PTPRD: variants seen among roughly 807,000 people sequenced by gnomAD.
The protein encoded by PTPRD is receptor-type tyrosine-protein phosphatase delta.
A neutral mutation model predicts 214.5 loss-of-function variants in PTPRD; 34 were observed. The observed-to-expected ratio is 0.16, with a 90% CI of 0.12 to 0.21. The LOEUF is 0.21. Ranked by LOEUF, PTPRD falls within the 10% of genes least tolerant of loss-of-function variation. The probability of loss-of-function intolerance (pLI) is 1.00; values close to 1 mark genes in which losing one functional copy is unlikely to be tolerated. For missense variants in PTPRD, 2,545 were observed against 2,398.7 expected (o/e 1.06, Z -1.27); for synonymous variants, 1,128 against 845.7 (o/e 1.33, Z -5.79).
chr9:10,285,483 A>G (rs2095313734), intron 3 of PTPRD, among the ~76,000 whole-genome samples: 1 of 152,082 alleles, frequency 6.6e-6, no homozygotes, highest in Admixed American at 6.5e-5. Flanking sequence ...TTATAGAAAC[A>G]TTACATGATT....
At chr9:8,883,539 G>C (rs570984807) in intron 11 of PTPRD, among the ~76,000 whole-genome samples, 2 of 152,276 alleles carry the variant, frequency 1.3e-5, no homozygotes, top group African/African-American at 4.8e-5. Flanking sequence ...GGAACTATGA[G>C]TAACTATCCC....
intron 3 of PTPRD, among the ~76,000 whole-genome samples, chr9:10,036,005 A>T (rs1254727950): frequency 1.3e-5 from 2 of 152,066 alleles, no homozygotes; most frequent in Non-Finnish European, 2.9e-5. Flanking sequence ...CTGACCAATG[A>T]TCACTTCAGA....
intron 10 of PTPRD, among the ~76,000 whole-genome samples, chr9:9,132,616 A>T (rs2099844490): frequency 6.6e-6 from 1 of 152,222 alleles, no homozygotes; most frequent in Admixed American, 6.5e-5. Context: ...AAAAATAAAC[A>T]ATAAGAAGAA....
chr9:10,032,854 A>G (rs1027107422), intron 4 of PTPRD, among the ~76,000 whole-genome samples: 1 of 151,840 alleles, frequency 6.6e-6, no homozygotes, highest in Non-Finnish European at 1.5e-5. Context: ...TTTTTTTACT[A>G]TTATTTATCT....
chr9:9,433,785 G>T (rs1588302069), intron 8 of PTPRD, among the ~76,000 whole-genome samples: 1 of 152,084 alleles, frequency 6.6e-6, no homozygotes, highest in African/African-American at 2.4e-5. Flanking sequence ...AATGGCCATT[G>T]CATGTAAGAC....
intron 2 of PTPRD, among the ~76,000 whole-genome samples, chr9:10,431,528 C>A (rs540542811): frequency 6.6e-6 from 1 of 151,784 alleles, no homozygotes; most frequent in Non-Finnish European, 1.5e-5. Flanking sequence ...ATTTTCGCAA[C>A]CTACTCATCT....
At chr9:9,173,975 T>G (rs773682950) in intron 10 of PTPRD, among the ~76,000 whole-genome samples, 2 of 152,072 alleles carry the variant, frequency 1.3e-5, no homozygotes, top group Non-Finnish European at 2.9e-5. Flanking sequence ...TGCAAATGCC[T>G]CAGAGAATGA....
At chr9:9,136,235 C>T (rs1592211820) in intron 10 of PTPRD, among the ~76,000 whole-genome samples, 1 of 152,050 alleles carries the variant, frequency 6.6e-6, no homozygotes, top group South Asian at 2.1e-4. Context: ...CAAGTATTTT[C>T]ATTCCAACTT....
intron 7 of PTPRD, among the ~76,000 whole-genome samples, chr9:9,728,035 T>C (rs2098123372): frequency 6.6e-6 from 1 of 152,084 alleles, no homozygotes; most frequent in African/African-American, 2.4e-5. Flanking sequence ...CCCCATACAG[T>C]TCTTGTGGTA....
intron 12 of PTPRD, among the ~76,000 whole-genome samples, chr9:8,672,295 C>T (rs550922872): frequency 6.6e-6 from 1 of 152,240 alleles, no homozygotes; most frequent in East Asian, 1.9e-4. Context: ...GTAGTTTATG[C>T]AAATGGGTTT....
intron 35 of PTPRD, among the ~76,000 whole-genome samples, chr9:8,432,783 G>A (rs4742503): frequency 0.016 from 2,459 of 152,180 alleles, 25 homozygotes; most frequent in Non-Finnish European, 0.026. Context: ...CCTTCATGCC[G>A]GTTAAGGCAC....
intron 10 of PTPRD, among the ~76,000 whole-genome samples, chr9:9,041,089 C>T (rs551686584): frequency 4.3e-4 from 65 of 152,006 alleles, no homozygotes; most frequent in African/African-American, 1.5e-3. Flanking sequence ...ATGACTGTTT[C>T]ATAAAAATAT....
At chr9:9,243,895 C>A (rs1334991706) in intron 9 of PTPRD, among the ~76,000 whole-genome samples, 1 of 152,182 alleles carries the variant, frequency 6.6e-6, no homozygotes, top group Non-Finnish European at 1.5e-5. Flanking sequence ...AAAACCCCAT[C>A]ATCTCAGCCC....
chr9:8,799,088 G>A (rs1039815771), intron 11 of PTPRD, among the ~76,000 whole-genome samples: 1 of 152,022 alleles, frequency 6.6e-6, no homozygotes, highest in Non-Finnish European at 1.5e-5. Flanking sequence ...ATATTAATTA[G>A]AGTCCTATGG....
intron 37 of PTPRD, among the ~76,000 whole-genome samples, chr9:8,384,772 C>T (rs527960351): frequency 6.6e-5 from 10 of 152,254 alleles, no homozygotes; most frequent in African/African-American, 1.2e-4. Context: ...GTGATCTGCC[C>T]GCCTTGGCCT....
intron 12 of PTPRD, among the ~76,000 whole-genome samples, chr9:8,724,032 T>C (rs2098531131): frequency 6.6e-6 from 1 of 152,182 alleles, no homozygotes; most frequent in Non-Finnish European, 1.5e-5. Context: ...AAAGCTAAAT[T>C]GTAATGTCTT....
intron 8 of PTPRD, among the ~76,000 whole-genome samples, chr9:9,413,506 T>C (rs181800124): frequency 6.6e-6 from 1 of 152,322 alleles, no homozygotes; most frequent in Admixed American, 6.5e-5. Context: ...TGGAACCTTA[T>C]AATGGACTAT....
chr9:8,729,661 A>G (rs1249421274), intron 12 of PTPRD, among the ~76,000 whole-genome samples: 1 of 152,214 alleles, frequency 6.6e-6, no homozygotes, highest in African/African-American at 2.4e-5. Flanking sequence ...TAAAAATAGG[A>G]AAACTGAAGC....
chr9:8,485,834 G>T lies in PTPRD; in HGVS notation c.2983C>A (p.Arg995Ser). ...KPDTTYDVKV[R>S]AHTSKGPGPY... ...CCGGGCCCTTTGCTCGTATGAGCAC[G>T]TACTTTTACATCGTATGTGGTATCT... The change falls in exon 28 of 46, where the codon CGT (arginine) becomes AGT (serine). Residue 995 changes from arginine (R) to serine (S), a missense_variant. By Grantham distance (110) the Arg-to-Ser change is moderately radical. Coordinates refer to ENST00000381196, the MANE Select transcript of PTPRD (RefSeq NM_002839.4). 1 of 1,614,044 alleles carries T rather than the reference G, an allele frequency of 6.2e-7. No homozygotes were observed. Among genetic ancestry groups the T allele is most frequent in the Non-Finnish European group, 8.5e-7 (1 of 1,179,982 alleles).
Sources: allele counts gnomAD v4.1 joint callset (sites outside exome capture counted in the v4.1 genomes callset), GRCh38; gene constraint gnomAD v4.1.1; transcripts MANE v1.5; gene names NCBI Gene and HGNC (gene_info 2026-07-23, HGNC 2026-07-21).